Variants in GALNT17 observed in about 807,000 individuals in gnomAD.
The protein encoded by GALNT17 is polypeptide N-acetylgalactosaminyltransferase 17, also known as UDP-GalNAc:polypeptide N-acetylgalactosaminyltransferase-like 3.
A neutral mutation model predicts 63.7 loss-of-function variants in GALNT17; 29 were observed. The ratio of observed to expected loss-of-function variants is 0.46; its 90% CI spans 0.34 to 0.62. The LOEUF (loss-of-function observed/expected upper bound fraction) is 0.62. Among genes scored for constraint, GALNT17 ranks in the 20% least tolerant of loss-of-function variants. The pLI is 0.01. For missense variants in GALNT17, 603 were observed against 799.6 expected (o/e 0.75, Z 2.97); for synonymous variants, 305 against 318.3 (o/e 0.96, Z 0.45).
intron 2 of GALNT17, among the ~76,000 whole-genome samples, chr7:71,343,417 C>A (rs749902660): frequency 7.0e-4 from 106 of 152,258 alleles, no homozygotes; most frequent in Middle Eastern, 6.8e-3. Context: ...AATTGTTTTT[C>A]TTATAAATAT....
intron 6 of GALNT17, among the ~76,000 whole-genome samples, chr7:71,605,479 A>G (rs1584084916): frequency 6.6e-6 from 1 of 151,752 alleles, no homozygotes; most frequent in Non-Finnish European, 1.5e-5. Flanking sequence ...CCAGCTACTC[A>G]GGAGGCTGAG....
intron 9 of GALNT17, among the ~76,000 whole-genome samples, chr7:71,689,188 TTTCTA>T (rs1791406344): frequency 6.6e-6 from 1 of 152,102 alleles, no homozygotes; most frequent in African/African-American, 2.4e-5. Context: ...TTCTCGGGCC[TTTCTA>T]TTCCCCGAGA....
chr7:71,346,636 C>A (rs1269051529), intron 2 of GALNT17, among the ~76,000 whole-genome samples: 4 of 151,954 alleles, frequency 2.6e-5, no homozygotes, highest in Non-Finnish European at 5.9e-5. Flanking sequence ...ACTGCCTAAC[C>A]TTCTGTGTCT....
chr7:71,472,997 G>T (rs1010724570), intron 5 of GALNT17, among the ~76,000 whole-genome samples: 1 of 152,178 alleles, frequency 6.6e-6, no homozygotes, highest in African/African-American at 2.4e-5. Context: ...TATGAGACAA[G>T]AATTGTAGGT....
chr7:71,156,704 GTCTC>G (rs1048311086), intron 1 of GALNT17, among the ~76,000 whole-genome samples: 2 of 114,338 alleles, frequency 1.7e-5, no homozygotes, highest in African/African-American at 3.7e-5. Context: ...CTGTCTCTCT[GTCTC>G]TCTCTCTCTC....
At chr7:71,352,364 G>T (rs1194369826) in intron 2 of GALNT17, among the ~76,000 whole-genome samples, 3 of 152,080 alleles carry the variant, frequency 2.0e-5, no homozygotes, top group Non-Finnish European at 4.4e-5. Flanking sequence ...ACATGAAAAA[G>T]AACTAATATA....
intron 1 of GALNT17, among the ~76,000 whole-genome samples, chr7:71,137,467 C>T (rs1006585088): frequency 2.6e-5 from 4 of 152,174 alleles, no homozygotes; most frequent in Admixed American, 1.3e-4. Flanking sequence ...CACCCCCATC[C>T]CTCAGCACAC....
chr7:71,538,395 C>T (rs1788834420), intron 5 of GALNT17, among the ~76,000 whole-genome samples: 1 of 152,164 alleles, frequency 6.6e-6, no homozygotes, highest in Non-Finnish European at 1.5e-5. Flanking sequence ...TCACCCCCTG[C>T]ACTTCTTGTC....
intron 3 of GALNT17, among the ~76,000 whole-genome samples, chr7:71,391,546 G>A (rs778577272): frequency 2.6e-5 from 4 of 152,086 alleles, no homozygotes; most frequent in Non-Finnish European, 4.4e-5. Flanking sequence ...GCGGTGGTGC[G>A]ATCACAGCTT....
intron 6 of GALNT17, among the ~76,000 whole-genome samples, chr7:71,643,439 A>G (rs1226239920): frequency 6.6e-6 from 1 of 152,060 alleles, no homozygotes; most frequent in East Asian, 1.9e-4. Flanking sequence ...CTACACTCCA[A>G]CCTGGGCCAC....
At chr7:71,327,676 A>C (rs1473198554) in intron 1 of GALNT17, among the ~76,000 whole-genome samples, 2 of 152,168 alleles carry the variant, frequency 1.3e-5, no homozygotes, top group Non-Finnish European at 1.5e-5. Flanking sequence ...ATTTACAAAG[A>C]TTGTGAAGGG....
intron 2 of GALNT17, among the ~76,000 whole-genome samples, chr7:71,377,101 T>TAA (rs1406763460): frequency 3.9e-5 from 2 of 51,482 alleles, no homozygotes; most frequent in African/African-American, 9.7e-5. Flanking sequence ...AAAAAAAAAA[T>TAA]AAAAATAAAA....
intron 6 of GALNT17, among the ~76,000 whole-genome samples, chr7:71,656,936 T>G (rs1478068643): frequency 6.6e-6 from 1 of 152,218 alleles, no homozygotes; most frequent in Non-Finnish European, 1.5e-5. Flanking sequence ...TGCCCCCTGT[T>G]AGTGCCTTGA....
chr7:71,626,201 G>T (rs545242694), intron 6 of GALNT17, among the ~76,000 whole-genome samples: 1 of 148,006 alleles, frequency 6.8e-6, no homozygotes, highest in Non-Finnish European at 1.5e-5. Context: ...CTGAGATCAC[G>T]CCATTGCACT....
At chr7:71,652,637 C>T (rs1790770211) in intron 6 of GALNT17, among the ~76,000 whole-genome samples, 1 of 152,134 alleles carries the variant, frequency 6.6e-6, no homozygotes. Flanking sequence ...AATTTGCCTG[C>T]GCTTGGATTA....
At chr7:71,167,653 A>T (rs934107053) in intron 1 of GALNT17, among the ~76,000 whole-genome samples, 2 of 152,040 alleles carry the variant, frequency 1.3e-5, no homozygotes, top group African/African-American at 4.8e-5. Context: ...ATCTGTCTAA[A>T]ACGCCTTGTC....
At chr7:71,640,428 T>G (rs1584107120) in intron 6 of GALNT17, among the ~76,000 whole-genome samples, 1 of 152,294 alleles carries the variant, frequency 6.6e-6, no homozygotes, top group Admixed American at 6.5e-5. Context: ...GTCTGTAAAC[T>G]TGGTCAGAAA....
At chr7:71,294,291 A>G (rs1791037621) in intron 1 of GALNT17, among the ~76,000 whole-genome samples, 1 of 151,844 alleles carries the variant, frequency 6.6e-6, no homozygotes, top group African/African-American at 2.4e-5. Flanking sequence ...TTCTCTTCCC[A>G]GTTTGAGAAC....
Position 71,281,380 on chromosome 7 carries a change from GCTTA to G in GALNT17, c.239-54166_239-54163del, listed in dbSNP as rs775855529. Among the ~76,000 whole-genome samples the G allele has an allele frequency of 1.7e-3, 256 of 152,270 alleles. 1 individual carries two copies. The highest frequency in any genetic ancestry group is 1.6e-3 in the Non-Finnish European group (111 of 68,032). On this transcript the variant is annotated intron_variant, in intron 1 of 10. Coordinates refer to ENST00000333538, the MANE Select transcript of GALNT17 (RefSeq NM_022479.3). ...AATGTCATTTAGCTAGAAGGATTTG[GCTTA>G]CTTTAATTTCAACTCATGTGCAGAC... is the stretch of plus-strand genomic sequence containing the variant.
Sources: allele counts gnomAD v4.1 joint callset (sites outside exome capture counted in the v4.1 genomes callset), GRCh38; gene constraint gnomAD v4.1.1; transcripts MANE v1.5; gene names NCBI Gene and HGNC (gene_info 2026-07-23, HGNC 2026-07-21).